Variants in MPPED2 observed in about 807,000 individuals in gnomAD.
MPPED2 encodes metallophosphoesterase domain containing 2, also known as metallophosphoesterase MPPED2.
A neutral mutation model predicts 33.0 loss-of-function variants in MPPED2; 5 were observed. The ratio of observed to expected loss-of-function variants is 0.15; its 90% CI spans 0.08 to 0.32. The LOEUF (loss-of-function observed/expected upper bound fraction) is 0.32, where lower values mean the gene tolerates loss of function less well. MPPED2 is among the 10% of genes least tolerant of loss of function. The pLI, the probability that MPPED2 is intolerant of heterozygous loss-of-function variation, is 1.00. For missense variants in MPPED2, 275 were observed against 372.1 expected, an observed-to-expected ratio of 0.74 and a Z score of 2.15; for synonymous variants, 136 against 141.9, an observed-to-expected ratio of 0.96 and a Z score of 0.29.
chr11:30,450,224 C>T (rs1178167892), intron 4 of MPPED2, among the ~76,000 whole-genome samples: 2 of 152,188 alleles, frequency 1.3e-5, no homozygotes, highest in Non-Finnish European at 2.9e-5. Flanking sequence ...TCTGCTACTG[C>T]CAGGCCTTGT....
intron 2 of MPPED2, among the ~76,000 whole-genome samples, chr11:30,537,768 A>AT (rs113525767): frequency 4.6e-5 from 7 of 152,274 alleles, no homozygotes; most frequent in East Asian, 1.9e-4. Context: ...AAATTAATGG[A>AT]TTTTTTCTGT....
intron 2 of MPPED2, among the ~76,000 whole-genome samples, chr11:30,555,181 G>A (rs1955907552): frequency 6.6e-6 from 1 of 152,086 alleles, no homozygotes. Flanking sequence ...CACTCAGCCA[G>A]GACTCAGTCC....
chr11:30,396,249 C>T (rs146942223), intron 6 of MPPED2, among the ~76,000 whole-genome samples: 35 of 152,194 alleles, frequency 2.3e-4, no homozygotes, highest in Middle Eastern at 3.4e-3. Flanking sequence ...GCAACTTGAC[C>T]CCTCAGAAGC....
chr11:30,477,911 G>T (rs576170072), intron 4 of MPPED2, among the ~76,000 whole-genome samples: 7 of 152,120 alleles, frequency 4.6e-5, no homozygotes, highest in East Asian at 1.9e-4. Flanking sequence ...TATACACAAA[G>T]AATTTGGTGT....
At chr11:30,523,951 C>A in intron 3 of MPPED2, among the ~76,000 whole-genome samples, 1 of 151,984 alleles carries the variant, frequency 6.6e-6, no homozygotes, top group East Asian at 1.9e-4. Flanking sequence ...TTGCTGTGGT[C>A]AAGAAGAGAG....
At chr11:30,425,510 T>A (rs1948794982) in intron 4 of MPPED2, 1 of 152,226 alleles carries the variant, frequency 6.6e-6, no homozygotes. Context: ...ATTTTCAATC[T>A]GTTTCCTTCT....
chr11:30,401,395 C>T (rs190956095), intron 6 of MPPED2, among the ~76,000 whole-genome samples: 7 of 152,272 alleles, frequency 4.6e-5, no homozygotes, highest in Admixed American at 3.9e-4. Context: ...TATCATTTAC[C>T]TGTTGCATGG....
chr11:30,448,882 G>A (rs1190979752), intron 4 of MPPED2, among the ~76,000 whole-genome samples: 4 of 151,790 alleles, frequency 2.6e-5, no homozygotes, highest in Admixed American at 2.6e-4. Context: ...TCGAACTCCC[G>A]ACCTCAGGTG....
chr11:30,571,149 CTTTT>C (rs1173817439), intron 2 of MPPED2, among the ~76,000 whole-genome samples: 1 of 150,044 alleles, frequency 6.7e-6, no homozygotes, highest in Non-Finnish European at 1.5e-5. Flanking sequence ...TGTTAGCTTT[CTTTT>C]TCTTTTTTTT....
intron 3 of MPPED2, among the ~76,000 whole-genome samples, chr11:30,516,642 C>A (rs1008565127): frequency 6.6e-6 from 1 of 152,178 alleles, no homozygotes; most frequent in Non-Finnish European, 1.5e-5. Context: ...GTCTGTCAGT[C>A]TTGCATTAAC....
rs569473972 is a variant in MPPED2, at chr11:30,410,978, G to T, written c.*490C>A. 23 of 985,768 alleles carry T rather than the reference G, an allele frequency of 2.3e-5. No individual in the cohort carries two copies. The African/African-American group carries it at 3.7e-4, about 16-fold the overall frequency. 61.1% of individuals were successfully genotyped at this position (985,768 alleles called of 1,614,324 possible). On this transcript the variant is annotated 3_prime_UTR_variant, in exon 7 of 7. Coordinates refer to ENST00000358117, the MANE Select transcript of MPPED2 (RefSeq NM_001584.3). Reference sequence around the variant, plus strand: ...TTTCCATGCCTACTTCTGTTGAGAAGATTGCTATAAATTGGGACCACATCT... The same window carrying T: ...TTTCCATGCCTACTTCTGTTGAGAATATTGCTATAAATTGGGACCACATCT...
At chr11:30,450,145 C>CT (rs1186023186) in intron 4 of MPPED2, among the ~76,000 whole-genome samples, 1 of 152,182 alleles carries the variant, frequency 6.6e-6, no homozygotes, top group Non-Finnish European at 1.5e-5. Context: ...AGGAAAGGGT[C>CT]TTTTTTCCCC....
chr11:30,516,825 A>T (rs1953560261), intron 3 of MPPED2, among the ~76,000 whole-genome samples: 1 of 152,190 alleles, frequency 6.6e-6, no homozygotes, highest in South Asian at 2.1e-4. Flanking sequence ...TAAAAAAAAG[A>T]AAGAAGAAAG....
At chr11:30,575,345 T>A (rs1956881640) in intron 2 of MPPED2, among the ~76,000 whole-genome samples, 2 of 152,224 alleles carry the variant, frequency 1.3e-5, no homozygotes, top group African/African-American at 4.8e-5. Flanking sequence ...AATCTATTTA[T>A]CAAGTGGTAT....
chr11:30,560,845 A>AC (rs144327367), intron 2 of MPPED2, among the ~76,000 whole-genome samples: 2 of 152,074 alleles, frequency 1.3e-5, no homozygotes, highest in Non-Finnish European at 2.9e-5. Flanking sequence ...AAATCATGCT[A>AC]CCCCCCACCT....
intron 2 of MPPED2, among the ~76,000 whole-genome samples, chr11:30,545,933 G>A (rs1216631309): frequency 2.0e-5 from 3 of 152,094 alleles, no homozygotes; most frequent in Non-Finnish European, 4.4e-5. Flanking sequence ...CACGGTCTCG[G>A]CTCACTGCAA....
intron 4 of MPPED2, among the ~76,000 whole-genome samples, chr11:30,470,518 T>C (rs1431304231): frequency 6.6e-6 from 1 of 152,110 alleles, no homozygotes; most frequent in Non-Finnish European, 1.5e-5. Context: ...CATCCTAAAA[T>C]TGACCGTGGT....
At chr11:30,551,347 C>T (rs1565176466) in intron 2 of MPPED2, among the ~76,000 whole-genome samples, 1 of 152,148 alleles carries the variant, frequency 6.6e-6, no homozygotes, top group African/African-American at 2.4e-5. Context: ...ATAATTTCCC[C>T]ATAGTCAGAG....
intron 2 of MPPED2, among the ~76,000 whole-genome samples, chr11:30,558,114 T>C (rs1956068446): frequency 6.6e-6 from 1 of 152,114 alleles, no homozygotes; most frequent in Non-Finnish European, 1.5e-5. Flanking sequence ...GGTCAACCAA[T>C]AGAACATGCA....
Sources: gnomAD v4.1 joint callset for allele counts (sites outside exome capture counted in the v4.1 genomes callset) on GRCh38, gnomAD v4.1.1 for gene constraint, MANE v1.5 for transcripts, NCBI Gene and HGNC (gene_info 2026-07-23, HGNC 2026-07-21) for gene names.